Variants in ATP6V0A2 observed in about 807,000 individuals in gnomAD.
ATP6V0A2 encodes V-type proton ATPase 116 kDa subunit a 2.
ATP6V0A2 carries 58 observed loss-of-function variants against 104.4 expected under a neutral mutation model. The ratio of observed to expected loss-of-function variants is 0.56; its 90% CI spans 0.45 to 0.69. ATP6V0A2 has a LOEUF of 0.69. Ranked by LOEUF, ATP6V0A2 falls within the 30% of genes least tolerant of loss-of-function variation. The probability of loss-of-function intolerance (pLI) is 0.00; values close to 1 mark genes in which losing one functional copy is unlikely to be tolerated. For synonymous variants in ATP6V0A2, 376 were observed against 397.9 expected (o/e 0.95, Z 0.65); for missense variants, 938 against 1,062.9 (o/e 0.88, Z 1.63).
intron 19 of ATP6V0A2, 152 bp downstream of exon 19, chr12:123,757,138 C>T: frequency 2.0e-6 from 2 of 989,924 alleles, no homozygotes; most frequent in Admixed American, 2.1e-5. Context: ...TTCATATCCT[C>T]TGAGTTAAAA....
chr12:123,728,383 C>T (rs1190568710), intron 6 of ATP6V0A2, among the ~76,000 whole-genome samples: 1 of 148,602 alleles, frequency 6.7e-6, no homozygotes, highest in Non-Finnish European at 1.5e-5. Context: ...AGGTGTGAGC[C>T]TCCTCACCTG....
chr12:123,727,818 A>G lies in ATP6V0A2; in HGVS notation c.557A>G (p.Glu186Gly), dbSNP rs746206388. The G allele has an allele frequency of 6.2e-6, 10 of 1,614,198 alleles. No individual in the cohort carries two copies. In the Admixed American group the frequency reaches 1.3e-4, roughly 22 times the overall value. Residue 186 changes from glutamate to glycine, a missense_variant, in exon 6 of 20, where the codon GAA becomes GGA. Physicochemically the swap from Glu to Gly is moderately conservative, Grantham distance 98 (BLOSUM62 -2). Coordinates refer to ENST00000330342, the MANE Select transcript of ATP6V0A2 (RefSeq NM_012463.4). ...GGCCTAATTAACCAAGGAAAAGTGG[A>G]AGCATTTGAAAAAATGTTGTGGAGA... Reference protein sequence around the residue: ...VSGLINQGKVEAFEKMLWRVC... With the variant: ...VSGLINQGKVGAFEKMLWRVC...
chr12:123,735,436 T>C (rs1956542990), intron 7 of ATP6V0A2, 95 bp from the exon 8 acceptor site: 1 of 1,209,798 alleles, frequency 8.3e-7, no homozygotes. Context: ...AACGGCTGCT[T>C]TCATTCCGTT....
At position 123,757,911 on chromosome 12, in the gene ATP6V0A2, CTT is replaced by C. The variant is rs370511382; in HGVS notation, c.2466-4_2466-3del. The C allele has an allele frequency of 3.6e-3, 4,480 of 1,229,704 alleles. No individual in the cohort carries two copies. The highest frequency in any genetic ancestry group is 4.5e-3 in the Admixed American group (215 of 47,654). The allele number at this position is 1,229,704 out of a possible 1,614,324, so 76.2% of individuals were successfully genotyped here. On this transcript the variant is annotated splice_polypyrimidine_tract_variant and intron_variant, in intron 19 of 19. Coordinates refer to ENST00000330342, the MANE Select transcript of ATP6V0A2 (RefSeq NM_012463.4). ...TTCATAATCTTCCATTAATACATGGCTTTTTTTTTTTTTAGGGTAGAATTTCA... is the reference window on the plus strand; with the variant it reads ...TTCATAATCTTCCATTAATACATGGCTTTTTTTTTTTAGGGTAGAATTTCA...
intron 17 of ATP6V0A2, among the ~76,000 whole-genome samples, chr12:123,752,910 T>C (rs59107032): frequency 0.04 from 6,082 of 152,308 alleles, 342 homozygotes; most frequent in African/African-American, 0.13. Flanking sequence ...CCCATGATGC[T>C]AGAACCATGG....
At position 123,754,385 on chromosome 12, in the gene ATP6V0A2, A is replaced by G. The variant is rs200262813; in HGVS notation, c.2176-35A>G. 5.0e-4 allele frequency: 734 copies of G among 1,480,006 alleles called. 2 individuals carry two copies. Among genetic ancestry groups the G allele is most frequent in the Non-Finnish European group, 6.4e-4 (681 of 1,057,642 alleles). The allele number at this position is 1,480,006 out of a possible 1,614,324, so 91.7% of individuals were successfully genotyped here. A position where few individuals can be genotyped will look rare whatever the true frequency, so the allele number is the denominator to read the frequency against. On this transcript the variant is annotated intron_variant, in intron 17 of 19. Transcript: ENST00000330342. ...CATGTAGAAGTACACATGTAACATC[A>G]TGACTCTTAACATATGTTGTGTGAT...
Position 123,726,215 on chromosome 12 carries a change from G to T in ATP6V0A2, c.451G>T (p.Glu151Ter). 6.2e-7 allele frequency: 1 copy of T among 1,613,064 alleles called. No homozygotes were observed. The highest frequency in any genetic ancestry group is 1.1e-5 in the South Asian group (1 of 91,060). The change falls in exon 5 of 20, where the codon GAA becomes TAA. Residue 151 changes from glutamate to a stop codon, truncating the protein, a stop_gained. Coordinates refer to ENST00000330342, the MANE Select transcript of ATP6V0A2 (RefSeq NM_012463.4). LOFTEE classifies it high-confidence loss of function. ...RNVEFEPTYE[E>*]FPSLESDSLL... ...TTTCTAGTTTGAACCCACTTATGAAGAATTCCCTTCCTTAGAGAGTGATTC... is the reference window on the plus strand; with the variant it reads ...TTTCTAGTTTGAACCCACTTATGAATAATTCCCTTCCTTAGAGAGTGATTC...
At chr12:123,728,395 C>CTTT (rs34247373) in intron 6 of ATP6V0A2, among the ~76,000 whole-genome samples, 2,455 of 124,448 alleles carry the variant, frequency 0.02, 41 homozygotes, top group African/African-American at 0.034. Flanking sequence ...CCTCACCTGG[C>CTTT]TTTTTTTTTT....
In ATP6V0A2 at chr12:123,744,127, A is replaced by G. The variant is rs1956636456; in HGVS notation, c.1190-74A>G. ...CTGGAGAAAGTCAAGATTGTTATGT[A>G]TCATTGTGTTTGAATGAACTCAGGT... is the stretch of plus-strand genomic sequence containing the variant. On this transcript the variant is annotated intron_variant, in intron 10 of 19. Coordinates refer to ENST00000330342, the MANE Select transcript of ATP6V0A2 (RefSeq NM_012463.4). This position sits in a 1 kb window ranked among gnomAD's most constrained non-coding sequence, Gnocchi z 5.4. 1 of 1,586,172 alleles carries G rather than the reference A, an allele frequency of 6.3e-7. No homozygotes were observed. Among genetic ancestry groups the G allele is most frequent in the South Asian group, 1.1e-5 (1 of 90,304 alleles).
chr12:123,713,976 T>C (rs1332059109), intron 1 of ATP6V0A2, among the ~76,000 whole-genome samples: 1 of 152,146 alleles, frequency 6.6e-6, no homozygotes, highest in African/African-American at 2.4e-5. Context: ...TGCAGGGCGG[T>C]TCCTGGTTCC....
intron 19 of ATP6V0A2, 64 bp downstream of exon 19, chr12:123,757,050 G>T (rs1053536253): frequency 6.5e-7 from 1 of 1,550,086 alleles, no homozygotes. Flanking sequence ...CCACTGCCCC[G>T]CCCAACCAAA....
chr12:123,743,904 T>A lies in ATP6V0A2; in HGVS notation c.1158T>A (p.Tyr386Ter). The A allele has an allele frequency of 6.2e-7, 1 of 1,614,236 alleles. No homozygotes were observed. Among genetic ancestry groups the A allele is most frequent in the Non-Finnish European group, 8.5e-7 (1 of 1,180,044 alleles). Residue 386 changes from tyrosine to a stop codon, truncating the protein, a stop_gained, in exon 10 of 20, where the codon TAT becomes TAA. Coordinates refer to ENST00000330342, the MANE Select transcript of ATP6V0A2 (RefSeq NM_012463.4). LOFTEE classifies it high-confidence loss of function. ...TEGFQNIVDA[Y>*]GVGSYREVNP... ...GATTTCAGAACATCGTGGATGCTTA[T>A]GGAGTCGGAAGCTACAGAGAAGTCA...
intron 9 of ATP6V0A2, 66 bp downstream of exon 9, chr12:123,737,337 GA>G: frequency 4.7e-6 from 7 of 1,492,508 alleles, no homozygotes; most frequent in Non-Finnish European, 6.5e-6. Flanking sequence ...TAAATTCAGA[GA>G]AAAAAAGGAA....
chr12:123,757,506 C>T (rs1308760758), intron 19 of ATP6V0A2, among the ~76,000 whole-genome samples: 2 of 152,156 alleles, frequency 1.3e-5, no homozygotes, highest in African/African-American at 4.8e-5. Context: ...TTTAAGTTTG[C>T]AGAATACTAA....
At chr12:123,734,934 G>A (rs866906329) in intron 7 of ATP6V0A2, among the ~76,000 whole-genome samples, 9 of 152,308 alleles carry the variant, frequency 5.9e-5, no homozygotes, top group Middle Eastern at 6.8e-3. Flanking sequence ...GATAAGGCTA[G>A]AATAGGTATT....
chr12:123,712,859 A>G (rs1033936878), intron 1 of ATP6V0A2, among the ~76,000 whole-genome samples, 177 bp downstream of exon 1: 31 of 151,448 alleles, frequency 2.0e-4, no homozygotes, highest in African/African-American at 7.0e-4. Flanking sequence ...CGCGGGGCTG[A>G]CTCCAGGGTC....
In ATP6V0A2 at chr12:123,727,884, A is replaced by G. The variant is rs762894538; in HGVS notation, c.623A>G (p.Asp208Gly). 1 of 1,614,240 alleles carries G rather than the reference A, an allele frequency of 6.2e-7. No individual in the cohort carries two copies. Among genetic ancestry groups the G allele is most frequent in the Admixed American group, 1.7e-5 (1 of 60,028 alleles). The part of the protein sequence containing the change: ...GYTIVSYAEL[D>G]ESLEDPETGE... ...ACCATCGTGTCCTATGCAGAACTGG[A>G]TGAATCCCTTGAAGACCCTGAAACA... is the stretch of plus-strand genomic sequence containing the variant. Residue 208 changes from aspartate (D) to glycine (G), a missense_variant, in exon 6 of 20, where the codon GAT (aspartate) becomes GGT (glycine). Physicochemically the swap from Asp to Gly is moderately conservative, Grantham distance 94. Transcript: ENST00000330342.
chr12:123,752,275 G>T lies in ATP6V0A2; in HGVS notation c.2056-8G>T. 6.2e-7 allele frequency: 1 copy of T among 1,614,066 alleles called. No individual in the cohort carries two copies. The highest frequency in any genetic ancestry group is 8.5e-7 in the Non-Finnish European group (1 of 1,179,996). On this transcript the variant is annotated splice_region_variant and splice_polypyrimidine_tract_variant and intron_variant, in intron 16 of 19. Coordinates refer to ENST00000330342, the MANE Select transcript of ATP6V0A2 (RefSeq NM_012463.4). ...CAGGCACTGACTCTGTGCTCTTTTG[G>T]TTGTTAGAGTGGCTACACACTTATA...
chr12:123,751,808 G>A (rs1012039235), intron 16 of ATP6V0A2, among the ~76,000 whole-genome samples: 3 of 150,230 alleles, frequency 2.0e-5, no homozygotes, highest in African/African-American at 7.4e-5. Context: ...TTCCATATTC[G>A]TCTTAATTTC....
Sources: allele counts gnomAD v4.1 joint callset (sites outside exome capture counted in the v4.1 genomes callset), GRCh38; gene constraint gnomAD v4.1.1; non-coding constraint Gnocchi (gnomAD v3.1); transcripts MANE v1.5; gene names NCBI Gene and HGNC (gene_info 2026-07-23, HGNC 2026-07-21).